C9orf57: variants seen among roughly 807,000 people sequenced by gnomAD.
C9orf57 encodes chromosome 9 open reading frame 57.
Under a neutral mutation model 12.9 loss-of-function variants are expected in C9orf57, and 12 were observed. The ratio of observed to expected loss-of-function variants is 0.93; its 90% CI spans 0.60 to 1.51. The LOEUF (loss-of-function observed/expected upper bound fraction) is 1.51. Ranked by LOEUF, C9orf57 falls within the 40% of genes most tolerant of loss-of-function variation. C9orf57 has a pLI of 0.00. For synonymous variants in C9orf57, 49 were observed against 57.1 expected, an observed-to-expected ratio of 0.86 and a Z score of 0.64; for missense variants, 141 against 162.8, an observed-to-expected ratio of 0.87 and a Z score of 0.73.
Position 72,052,123 on chromosome 9 carries a change from G to A in C9orf57, c.*173C>T, listed in dbSNP as rs1412255269. On this transcript the variant is annotated 3_prime_UTR_variant, in exon 5 of 5. Transcript: ENST00000651200. ...CTCAGATGAGTTGGAGGTGGTGGGGGAGATATTGGGAATATTGAAAACCAA... is the reference window on the plus strand; with the variant it reads ...CTCAGATGAGTTGGAGGTGGTGGGGAAGATATTGGGAATATTGAAAACCAA... 1 of 614,810 alleles carries A rather than the reference G, an allele frequency of 1.6e-6. No homozygotes were observed. The highest frequency in any genetic ancestry group is 1.9e-5 in the African/African-American group (1 of 53,274). The allele number at this position is 614,810 out of a possible 1,614,324, so 38.1% of individuals were successfully genotyped here.
At chr9:72,055,440 TTC>T (rs2132434768) in intron 4 of C9orf57, among the ~76,000 whole-genome samples, 2 of 119,066 alleles carry the variant, frequency 1.7e-5, no homozygotes, top group East Asian at 2.9e-4. Context: ...TTCCTTCCTT[TTC>T]GAGACATGAT....
chr9:72,055,378 T>TCCCTCCCTCCTTCCC (rs1564122108), intron 4 of C9orf57, among the ~76,000 whole-genome samples: 11 of 32,394 alleles, frequency 3.4e-4, no homozygotes, highest in African/African-American at 1.7e-3. Flanking sequence ...CCCTCCCTCC[T>TCCCTCCCTCCTTCCC]TCCTTCCTTC....
At chr9:72,053,665 C>T (rs7039742) in intron 4 of C9orf57, among the ~76,000 whole-genome samples, 72,673 of 151,900 alleles carry the variant, frequency 0.48, 19,345 homozygotes, top group Non-Finnish European at 0.62. Context: ...AAAGATTGAA[C>T]AGAACCCAAG....
intron 3 of C9orf57, 118 bp from the exon 4 acceptor site, chr9:72,056,314 ATGT>A: frequency 2.5e-6 from 1 of 397,724 alleles, no homozygotes; most frequent in Non-Finnish European, 3.8e-6. Context: ...ATATATATTT[ATGT>A]TATATATATA....
rs1484019857 is a variant in C9orf57 at position 72,056,188 on chromosome 9, C to G, written c.166G>C (p.Gly56Arg). 2 of 1,548,962 alleles carry G rather than the reference C, an allele frequency of 1.3e-6. No individual in the cohort carries two copies. Among genetic ancestry groups the G allele is most frequent in the African/African-American group, 1.4e-5 (1 of 72,874 alleles). The change falls in exon 4 of 5, where the codon GGT becomes CGT. Residue 56 changes from glycine to arginine, a missense_variant. Transcript: ENST00000651200. ...AGATTGCATGCTCTGCAAATCAAAC[C>G]TCCAACATCTCCAAGTACAGGGGCA... is the stretch of plus-strand genomic sequence containing the variant. ...KEEVHIQDVGGLICRACNLSL... is the reference protein window; with the variant it reads ...KEEVHIQDVGRLICRACNLSL...
chr9:72,053,998 T>C (rs963777944), intron 4 of C9orf57, among the ~76,000 whole-genome samples: 7 of 152,172 alleles, frequency 4.6e-5, no homozygotes, highest in African/African-American at 1.4e-4. Flanking sequence ...TTTAGGTCAT[T>C]TCTTTTTGTA....
At chr9:72,060,001 C>A (rs1198860567) in intron 1 of C9orf57, among the ~76,000 whole-genome samples, 1 of 151,908 alleles carries the variant, frequency 6.6e-6, no homozygotes, top group Non-Finnish European at 1.5e-5. Flanking sequence ...TAACTATTGG[C>A]CAAAAGGAAA....
chr9:72,054,764 A>T (rs1353655577), intron 4 of C9orf57, among the ~76,000 whole-genome samples: 1 of 151,926 alleles, frequency 6.6e-6, no homozygotes, highest in Non-Finnish European at 1.5e-5. Context: ...TTTATTCTGG[A>T]TAAATATTAA....
rs1054756551 is a variant in C9orf57, at chr9:72,056,002, A to G, written c.280+72T>C. 4 of 1,459,614 alleles carry G rather than the reference A, an allele frequency of 2.7e-6. No individual in the cohort carries two copies. In the East Asian group the frequency reaches 7.6e-5, roughly 28 times the overall value. The allele number at this position is 1,459,614 out of a possible 1,614,324, so 90.4% of individuals were successfully genotyped here. ...AAGCCCTTAGTGTAGCATCTGGTAT[A>G]TGAAAGTTTGTTGTGATAAGCATTT... On this transcript the variant is annotated intron_variant, in intron 4 of 4. Coordinates refer to ENST00000651200, the MANE Select transcript of C9orf57 (RefSeq NM_001128618.2).
rs1181793831 is a variant in C9orf57, at chr9:72,059,339, T to G, written c.-8A>C. On this transcript the variant is annotated 5_prime_UTR_variant, in exon 2 of 5. Transcript: ENST00000651200. Reference sequence around the variant, plus strand: ...AAAAACAATCCTTCTCATTCTGATTTCCAAGCCGAAAAGGAGATGAAAGGA... The same window carrying G: ...AAAAACAATCCTTCTCATTCTGATTGCCAAGCCGAAAAGGAGATGAAAGGA... 5.8e-6 allele frequency: 9 copies of G among 1,551,670 alleles called. No individual in the cohort carries two copies. The highest frequency in any genetic ancestry group is 7.8e-6 in the Non-Finnish European group (9 of 1,147,006).
intron 2 of C9orf57, 110 bp downstream of exon 2, chr9:72,059,125 C>T (rs555456742): frequency 3.6e-6 from 5 of 1,390,494 alleles, no homozygotes; most frequent in African/African-American, 2.9e-5. Flanking sequence ...CTGATCCACC[C>T]GCCTCAGCCT....
intron 1 of C9orf57, 106 bp from the exon 2 acceptor site, chr9:72,059,490 G>A: frequency 3.8e-6 from 5 of 1,314,106 alleles, no homozygotes; most frequent in Non-Finnish European, 5.1e-6. Context: ...AGTTTATTTT[G>A]TGAAGGAGGA....
chr9:72,057,266 C>T (rs1317204871), intron 2 of C9orf57, among the ~76,000 whole-genome samples: 1 of 151,982 alleles, frequency 6.6e-6, no homozygotes, highest in South Asian at 2.1e-4. Flanking sequence ...TCACTCGTTG[C>T]CCAGGCTGGA....
At position 72,052,209 on chromosome 9, in the gene C9orf57, A is replaced by G. The variant is rs1589298160; in HGVS notation, c.*87T>C. 7.0e-7 allele frequency: 1 copy of G among 1,431,058 alleles called. No individual in the cohort carries two copies. The highest frequency in any genetic ancestry group is 2.1e-5 in the Admixed American group (1 of 46,930). 88.6% of individuals were successfully genotyped at this position (1,431,058 alleles called of 1,614,324 possible). A position where few individuals can be genotyped will look rare whatever the true frequency, so the allele number is the denominator to read the frequency against. ...GGGTCTGAGGTTTCTGAAGTGGGCTAATTGACAATAGCCATCATTTTGTGA... is the reference window on the plus strand; with the variant it reads ...GGGTCTGAGGTTTCTGAAGTGGGCTGATTGACAATAGCCATCATTTTGTGA... On this transcript the variant is annotated 3_prime_UTR_variant, in exon 5 of 5. Coordinates refer to ENST00000651200, the MANE Select transcript of C9orf57 (RefSeq NM_001128618.2).
chr9:72,055,116 T>A (rs1407321466), intron 4 of C9orf57, among the ~76,000 whole-genome samples: 1 of 151,172 alleles, frequency 6.6e-6, no homozygotes, highest in Non-Finnish European at 1.5e-5. Context: ...ATATTTTTTT[T>A]TGTAGAGACA....
chr9:72,060,015 C>G (rs1249890128), intron 1 of C9orf57, among the ~76,000 whole-genome samples: 1 of 152,016 alleles, frequency 6.6e-6, no homozygotes. Context: ...AAGGAAAATA[C>G]ACATATTCAT....
chr9:72,060,411 G>C, intron 1 of C9orf57, 86 bp downstream of exon 1: 1 of 727,562 alleles, frequency 1.4e-6, no homozygotes. Context: ...TTATGTGATA[G>C]TTAACGATAG....
chr9:72,059,314 A>C lies in C9orf57; in HGVS notation c.18T>G (p.Phe6Leu), dbSNP rs1023214183. 5.8e-6 allele frequency: 9 copies of C among 1,551,824 alleles called. No homozygotes were observed. Among genetic ancestry groups the C allele is most frequent in the Non-Finnish European group, 7.8e-6 (9 of 1,147,006 alleles). Residue 6 changes from phenylalanine to leucine, a missense_variant, in exon 2 of 5, where the codon TTT becomes TTG. Phe to Leu is a conservative substitution (Grantham distance 22, BLOSUM62 0). Coordinates refer to ENST00000651200, the MANE Select transcript of C9orf57 (RefSeq NM_001128618.2). MRRIVFAGVILFRLLG... is the reference protein window; with the variant it reads MRRIVLAGVILFRLLG... ...AGAGGCGGAATAAGATAACACCAGC[A>C]AAAACAATCCTTCTCATTCTGATTT...
intron 4 of C9orf57, among the ~76,000 whole-genome samples, chr9:72,055,768 G>A (rs1824186173): frequency 6.6e-6 from 1 of 152,188 alleles, no homozygotes; most frequent in South Asian, 2.1e-4. Context: ...CGTGAGTGGT[G>A]TGAATGAGAC....
Sources: allele counts gnomAD v4.1 joint callset (sites outside exome capture counted in the v4.1 genomes callset), GRCh38; gene constraint gnomAD v4.1.1; transcripts MANE v1.5; gene names NCBI Gene and HGNC (gene_info 2026-07-23, HGNC 2026-07-21).